Variants in DPYS observed in about 807,000 individuals in gnomAD.
The protein encoded by DPYS is dihydropyrimidine amidohydrolase.
DPYS carries 39 observed loss-of-function variants against 50.3 expected under a neutral mutation model. That is an observed-to-expected ratio of 0.78 (90% CI 0.60 to 1.01). DPYS has a LOEUF of 1.01. Ranked by LOEUF, DPYS falls within the 50% of genes least tolerant of loss-of-function variation. DPYS has a pLI of 0.00. For missense variants in DPYS, 659 were observed against 680.9 expected (o/e 0.97, Z 0.36); for synonymous variants, 245 against 250.7 (o/e 0.98, Z 0.22).
rs539118751 is a variant in DPYS at position 104,415,721 on chromosome 8, T to C, written c.1235+8526A>G. Among the ~76,000 whole-genome samples, 398 of 152,238 alleles carry C rather than the reference T, an allele frequency of 2.6e-3. 1 individual carries two copies. Among genetic ancestry groups the C allele is most frequent in the Non-Finnish European group, 3.6e-3 (243 of 68,004 alleles). Reference sequence around the variant, plus strand: ...GGGCTATCTTAGCCAAAATAATCCATCCAAGCTTCTTAATTTTAGTCATTC... The same window carrying C: ...GGGCTATCTTAGCCAAAATAATCCACCCAAGCTTCTTAATTTTAGTCATTC... On this transcript the variant is annotated intron_variant, in intron 7 of 9. Coordinates refer to ENST00000351513, the MANE Select transcript of DPYS (RefSeq NM_001385.3).
At chr8:104,424,501 A>G in intron 6 of DPYS, 112 bp from the exon 7 acceptor site, 1 of 1,134,632 alleles carries the variant, frequency 8.8e-7, no homozygotes. Flanking sequence ...CTAATTTCTT[A>G]TATTGTAGAG....
chr8:104,380,893 C>T, intron 9 of DPYS: 1 of 336,662 alleles, frequency 3.0e-6, no homozygotes, highest in Middle Eastern at 9.6e-4. Context: ...GTAGTTCCCT[C>T]TGTATGTTAT....
At chr8:104,394,469 G>C (rs1446391445) in intron 7 of DPYS, among the ~76,000 whole-genome samples, 2 of 151,936 alleles carry the variant, frequency 1.3e-5, no homozygotes, top group Non-Finnish European at 2.9e-5. Flanking sequence ...CCAGCATCAA[G>C]CTTCTTTGTT....
Position 104,428,058 on chromosome 8 carries a change from C to T in DPYS, c.1014G>A (p.Gly338=), listed in dbSNP as rs1359207470. The T allele has an allele frequency of 1.2e-6, 2 of 1,614,224 alleles. No individual in the cohort carries two copies. The highest frequency in any genetic ancestry group is 2.7e-5 in the African/African-American group (2 of 75,062). The part of the protein sequence containing the change: ...CTFNTCQKAL[G]KDDFTKIPNG... ...TGGGGATCTTGGTAAAATCATCCTT[C>T]CCAAGAGCTTTCTGGCAGGTGTTGA... Residue 338 remains glycine, a synonymous_variant, in exon 6 of 10, where the codon GGG becomes GGA. Coordinates refer to ENST00000351513, the MANE Select transcript of DPYS (RefSeq NM_001385.3).
chr8:104,399,345 A>G (rs1221351800), intron 7 of DPYS, among the ~76,000 whole-genome samples: 1 of 150,244 alleles, frequency 6.7e-6, no homozygotes, highest in Admixed American at 6.6e-5. Context: ...ACCCACATCC[A>G]GGCTCTAAGA....
intron 3 of DPYS, among the ~76,000 whole-genome samples, chr8:104,446,592 GAAGTCCA>G (rs1433734451): frequency 1.3e-5 from 2 of 152,280 alleles, no homozygotes; most frequent in South Asian, 2.1e-4. Flanking sequence ...CTATAAAGCA[GAAGTCCA>G]ATTTAAACCC....
chr8:104,438,072 A>G (rs1011134106), intron 4 of DPYS, among the ~76,000 whole-genome samples: 1 of 152,206 alleles, frequency 6.6e-6, no homozygotes, highest in Non-Finnish European at 1.5e-5. Flanking sequence ...TACCTTTTAC[A>G]CACTTTTCCT....
intron 7 of DPYS, among the ~76,000 whole-genome samples, chr8:104,417,581 T>C (rs1446910794): frequency 6.6e-6 from 1 of 151,946 alleles, no homozygotes; most frequent in Non-Finnish European, 1.5e-5. Flanking sequence ...GTCCTTAAAT[T>C]TGAAACTTTG....
At chr8:104,384,986 GC>G (rs1317171193) in intron 8 of DPYS, among the ~76,000 whole-genome samples, 2 of 152,102 alleles carry the variant, frequency 1.3e-5, no homozygotes, top group African/African-American at 4.8e-5. Context: ...TCTATCTTAA[GC>G]CCCCTTTCTT....
At chr8:104,448,680 T>C (rs1391912620) in intron 2 of DPYS, among the ~76,000 whole-genome samples, 1 of 151,256 alleles carries the variant, frequency 6.6e-6, no homozygotes, top group Non-Finnish European at 1.5e-5. Context: ...AAGAAAAACA[T>C]GTTGAAAAAT....
intron 7 of DPYS, among the ~76,000 whole-genome samples, chr8:104,423,468 T>A (rs1000001246): frequency 3.3e-5 from 5 of 152,340 alleles, no homozygotes; most frequent in Admixed American, 3.3e-4. Context: ...CAAGAAACCG[T>A]AGACTTTTTC....
intron 7 of DPYS, among the ~76,000 whole-genome samples, chr8:104,397,955 C>A (rs1414162566): frequency 6.6e-6 from 1 of 152,202 alleles, no homozygotes; most frequent in East Asian, 1.9e-4. Flanking sequence ...TTTATCAGAT[C>A]ACTACCAAAC....
At chr8:104,447,275 G>A (rs774440295) in intron 3 of DPYS, 49 bp downstream of exon 3, 12 of 1,605,282 alleles carry the variant, frequency 7.5e-6, no homozygotes, top group Admixed American at 1.7e-5. Context: ...TTCACCTTAT[G>A]TTATGGCTGC....
At chr8:104,431,617 T>C (rs1812959166) in intron 4 of DPYS, among the ~76,000 whole-genome samples, 1 of 151,992 alleles carries the variant, frequency 6.6e-6, no homozygotes, top group African/African-American at 2.4e-5. Context: ...ACTGGATAAT[T>C]CAGCATAATT....
At chr8:104,443,564 G>A (rs1479435865) in intron 4 of DPYS, among the ~76,000 whole-genome samples, 1 of 152,154 alleles carries the variant, frequency 6.6e-6, no homozygotes, top group Non-Finnish European at 1.5e-5. Flanking sequence ...GAAGGGTAGT[G>A]GAGCTGCCTA....
intron 7 of DPYS, among the ~76,000 whole-genome samples, chr8:104,409,391 A>G (rs986499209): frequency 3.9e-5 from 6 of 152,188 alleles, no homozygotes; most frequent in Admixed American, 6.5e-5. Flanking sequence ...AGGCTGAGGC[A>G]GGACAATTGC....
intron 1 of DPYS, among the ~76,000 whole-genome samples, chr8:104,459,063 T>C (rs2140764474): frequency 6.6e-6 from 1 of 152,218 alleles, no homozygotes; most frequent in East Asian, 1.9e-4. Flanking sequence ...GTCTCCCTGT[T>C]AGATGCAATG....
chr8:104,408,600 G>A (rs940993705), intron 7 of DPYS, among the ~76,000 whole-genome samples: 8 of 151,750 alleles, frequency 5.3e-5, no homozygotes, highest in Non-Finnish European at 7.4e-5. Context: ...TCCATTCAAC[G>A]GAAAAACAAG....
At position 104,437,301 on chromosome 8, in the gene DPYS, G is replaced by A. The variant is rs183785999; in HGVS notation, c.793+6947C>T. 5.9e-5 allele frequency among the ~76,000 whole-genome samples: 9 copies of A among 152,244 alleles called. No homozygotes were observed. In the East Asian group the frequency reaches 1.5e-3, roughly 26 times the overall value. On this transcript the variant is annotated intron_variant, in intron 4 of 9. Coordinates refer to ENST00000351513, the MANE Select transcript of DPYS (RefSeq NM_001385.3). ...ACCAGAGCAACTCCATCTTGAAGAG[G>A]GGCTGGGTAAAATGAGGCTGAAATC... is the stretch of plus-strand genomic sequence containing the variant.
Sources: gnomAD v4.1 joint callset for allele counts (sites outside exome capture counted in the v4.1 genomes callset) on GRCh38, gnomAD v4.1.1 for gene constraint, MANE v1.5 for transcripts, NCBI Gene and HGNC (gene_info 2026-07-23, HGNC 2026-07-21) for gene names.